The following NAAA variants were observed in gnomAD, a reference collection of about 807,000 sequenced individuals.
NAAA encodes the protein N-acylethanolamine acid amidase.
In NAAA, 39 loss-of-function variants were observed where a neutral mutation model predicts 44.8. The observed-to-expected ratio is 0.87, with a 90% CI of 0.67 to 1.14. The LOEUF (loss-of-function observed/expected upper bound fraction) is 1.14, where lower values mean the gene tolerates loss of function less well. NAAA is among the 50% of genes most tolerant of loss of function. The pLI is 0.00. For missense variants in NAAA, 460 were observed against 467.8 expected (o/e 0.98, Z 0.15); for synonymous variants, 178 against 191.3 (o/e 0.93, Z 0.58).
At position 75,940,792 on chromosome 4, in the gene NAAA, C is replaced by T. The variant is rs1728207656; in HGVS notation, c.158G>A (p.Arg53Gln). ...VPELRWLPVLRHYDLDLVRAA... is the reference protein window; with the variant it reads ...VPELRWLPVLQHYDLDLVRAA... ...GCGCACCAAGTCCAAGTCGTAGTGC[C>T]GCAGCACGGGCAGCCAGCGCAGCTC... The change falls in exon 1 of 11, where the codon CGG (arginine) becomes CAG (glutamine). Residue 53 changes from arginine (R) to glutamine (Q), a missense_variant. By Grantham distance (43) the Arg-to-Gln change is conservative. Transcript: ENST00000286733. 2 of 1,598,882 alleles carry T rather than the reference C, an allele frequency of 1.3e-6. No homozygotes were observed. Among genetic ancestry groups the T allele is most frequent in the Non-Finnish European group, 1.7e-6 (2 of 1,178,794 alleles).
intron 4 of NAAA, among the ~76,000 whole-genome samples, chr4:75,926,851 A>G (rs1354638198): frequency 6.6e-6 from 1 of 152,088 alleles, no homozygotes; most frequent in Non-Finnish European, 1.5e-5. Flanking sequence ...CAAAAAATTT[A>G]AAAACTACCA....
chr4:75,914,378 A>T (rs1725469156), intron 10 of NAAA, 40 bp from the exon 11 acceptor site: 2 of 723,322 alleles, frequency 2.8e-6, no homozygotes, highest in Non-Finnish European at 3.3e-6. Flanking sequence ...TCAAAGACTG[A>T]TTTTTTTTTT....
chr4:75,925,316 T>A (rs1726569927), intron 5 of NAAA, among the ~76,000 whole-genome samples: 1 of 152,206 alleles, frequency 6.6e-6, no homozygotes. Context: ...ATTACAGGCG[T>A]GAGCCACTGC....
intron 3 of NAAA, among the ~76,000 whole-genome samples, 178 bp from the exon 4 acceptor site, chr4:75,931,482 G>A (rs977517933): frequency 2.0e-5 from 3 of 151,984 alleles, no homozygotes; most frequent in African/African-American, 4.8e-5. Context: ...GTGGGTGGGG[G>A]TGTGGTCCAT....
chr4:75,914,746 A>C (rs1725495508), intron 10 of NAAA, 122 bp downstream of exon 10: 3 of 620,376 alleles, frequency 4.8e-6, no homozygotes, highest in African/African-American at 1.8e-5. Context: ...CACAAATGAC[A>C]ATGCCAGATG....
At chr4:75,934,693 T>C (rs1727557228) in intron 3 of NAAA, among the ~76,000 whole-genome samples, 1 of 152,168 alleles carries the variant, frequency 6.6e-6, no homozygotes, top group South Asian at 2.1e-4. Flanking sequence ...GGATAACCTG[T>C]TCTTAATTTC....
At chr4:75,940,694 G>A in intron 1 of NAAA, 50 bp downstream of exon 1, 1 of 1,553,546 alleles carries the variant, frequency 6.4e-7, no homozygotes. Flanking sequence ...GTTTGACTCC[G>A]ACCCGCAGGG....
downstream of NAAA, among the ~76,000 whole-genome samples, chr4:75,912,163 C>T (rs375303965): frequency 5.9e-5 from 9 of 152,202 alleles, no homozygotes; most frequent in African/African-American, 1.4e-4. Context: ...TCAATGCCTT[C>T]GCTTTGCCTG....
downstream of NAAA, chr4:75,911,350 C>T: frequency 2.0e-6 from 1 of 504,230 alleles, no homozygotes; most frequent in South Asian, 1.5e-5. Context: ...GTTCTTCTTG[C>T]TCACTGCACA....
At chr4:75,939,482 C>T (rs1728032910) in intron 2 of NAAA, among the ~76,000 whole-genome samples, 1 of 147,808 alleles carries the variant, frequency 6.8e-6, no homozygotes, top group Admixed American at 6.9e-5. Context: ...GTGGCGCGAT[C>T]GCGGCTCGCT....
intron 9 of NAAA, among the ~76,000 whole-genome samples, chr4:75,916,778 CTTTTTTTTTTTT>C (rs35739236): frequency 1.3e-5 from 1 of 76,936 alleles, no homozygotes; most frequent in Non-Finnish European, 2.4e-5. Context: ...TTCATCACTT[CTTTTTTTTTTTT>C]TTTTTTTTTT....
At chr4:75,931,023 T>G (rs1727183335) in intron 4 of NAAA, among the ~76,000 whole-genome samples, 191 bp downstream of exon 4, 1 of 152,230 alleles carries the variant, frequency 6.6e-6, no homozygotes, top group South Asian at 2.1e-4. Flanking sequence ...CTATTTTGCT[T>G]TCTTTGCAGC....
chr4:75,940,777 T>C lies in NAAA; in HGVS notation c.173A>G (p.Asp58Gly). ...WLPVLRHYDLDLVRAAMAQVI... is the reference protein window; with the variant it reads ...WLPVLRHYDLGLVRAAMAQVI... ...TTGCGCCATCGCGGCGCGCACCAAG[T>C]CCAAGTCGTAGTGCCGCAGCACGGG... The change falls in exon 1 of 11, where the codon GAC becomes GGC. Residue 58 changes from aspartate (D) to glycine (G), a missense_variant. By Grantham distance (94) the Asp-to-Gly change is moderately conservative. Coordinates refer to ENST00000286733, the MANE Select transcript of NAAA (RefSeq NM_014435.4). 1 of 1,598,584 alleles carries C rather than the reference T, an allele frequency of 6.3e-7. No homozygotes were observed. The highest frequency in any genetic ancestry group is 1.1e-5 in the South Asian group (1 of 90,512).
At chr4:75,936,063 T>C in intron 3 of NAAA, 46 bp downstream of exon 3, 1 of 1,610,946 alleles carries the variant, frequency 6.2e-7, no homozygotes, top group Non-Finnish European at 8.5e-7. Flanking sequence ...CTAACTTGAG[T>C]TTGCAAATCT....
In NAAA at chr4:75,914,350, G is replaced by GA. The variant is rs1483746994; in HGVS notation, c.*37-13dup. The GA allele has an allele frequency of 1.8e-5, 17 of 951,478 alleles. No homozygotes were observed. Among genetic ancestry groups the GA allele is most frequent in the Non-Finnish European group, 2.0e-5 (16 of 800,400 alleles). The allele number at this position is 951,478 out of a possible 1,614,324, so 58.9% of individuals were successfully genotyped here. A position where few individuals can be genotyped will look rare whatever the true frequency, so the allele number is the denominator to read the frequency against. ...TTTTAAAAAATCATCTGTAAGGGAA[G>GA]AAAAAAACGCATTTAATTCAAAGAC... is the stretch of plus-strand genomic sequence containing the variant. On this transcript the variant is annotated splice_polypyrimidine_tract_variant and intron_variant, in intron 10 of 10. Transcript: ENST00000286733.
chr4:75,912,547 C>T (rs531151479), downstream of NAAA, among the ~76,000 whole-genome samples: 4 of 136,056 alleles, frequency 2.9e-5, no homozygotes, highest in African/African-American at 8.3e-5. Flanking sequence ...GAGGGAGACT[C>T]TGTCTGGAAA....
chr4:75,939,972 G>A (rs763119149), intron 2 of NAAA, 29 bp downstream of exon 2: 4 of 1,610,266 alleles, frequency 2.5e-6, no homozygotes, highest in Non-Finnish European at 3.4e-6. Context: ...CAAGCCCCGC[G>A]TTACTCCGCG....
In NAAA at chr4:75,917,776, T is replaced by TAA. The variant is rs34444403; in HGVS notation, c.998+983_998+984dup. ...CCACCGCACCTGGCCTGCTTTCACT[T>TAA]AAAAAAAAAAAAAAAAGAAAAAGAA... On this transcript the variant is annotated intron_variant, in intron 9 of 10. Transcript: ENST00000286733. 258 of 372,060 alleles carry TAA rather than the reference T, an allele frequency of 6.9e-4. 1 individual carries two copies. Among genetic ancestry groups the TAA allele is most frequent in the East Asian group, 1.3e-3 (15 of 11,746 alleles). The allele number at this position is 372,060 out of a possible 1,614,324, so 23.0% of individuals were successfully genotyped here.
At chr4:75,932,602 T>TG (rs1727329629) in intron 3 of NAAA, among the ~76,000 whole-genome samples, 1 of 151,434 alleles carries the variant, frequency 6.6e-6, no homozygotes, top group Non-Finnish European at 1.5e-5. Context: ...CCCACCTCAG[T>TG]TTTCCAAGTA....
Sources: allele counts gnomAD v4.1 joint callset (sites outside exome capture counted in the v4.1 genomes callset), GRCh38; gene constraint gnomAD v4.1.1; transcripts MANE v1.5; gene names NCBI Gene and HGNC (gene_info 2026-07-23, HGNC 2026-07-21).